The following FAM114A2 variants were observed in gnomAD, a reference collection of about 807,000 sequenced individuals.
The protein encoded by FAM114A2 is protein FAM114A2.
Under a neutral mutation model 58.4 loss-of-function variants are expected in FAM114A2, and 53 were observed. The ratio of observed to expected loss-of-function variants is 0.91; its 90% CI spans 0.73 to 1.14. The LOEUF (loss-of-function observed/expected upper bound fraction) is 1.14. Ranked by LOEUF, FAM114A2 falls within the 50% of genes most tolerant of loss-of-function variation. FAM114A2 has a pLI of 0.00. For synonymous variants in FAM114A2, 228 were observed against 211.4 expected (o/e 1.08, Z -0.68); for missense variants, 601 against 581.1 (o/e 1.03, Z -0.35).
intron 12 of FAM114A2, 173 bp from the exon 13 acceptor site, chr5:153,995,145 A>C (rs1241301502): frequency 1.2e-5 from 7 of 564,484 alleles, no homozygotes; most frequent in Non-Finnish European, 2.2e-5. Flanking sequence ...TAAGTGTTTT[A>C]AACTTCTTTC....
chr5:153,995,722 A>C (rs1301342265), intron 12 of FAM114A2, among the ~76,000 whole-genome samples: 1 of 152,148 alleles, frequency 6.6e-6, no homozygotes, highest in African/African-American at 2.4e-5. Context: ...AATGCTCTTG[A>C]TTTTATCCCA....
intron 11 of FAM114A2, among the ~76,000 whole-genome samples, chr5:153,998,814 T>TA (rs1408889840): frequency 6.6e-6 from 1 of 152,174 alleles, no homozygotes; most frequent in Non-Finnish European, 1.5e-5. Context: ...ACAGTAACAT[T>TA]AAATGGGCTA....
chr5:154,006,326 T>A, intron 9 of FAM114A2, among the ~76,000 whole-genome samples: 1 of 152,244 alleles, frequency 6.6e-6, no homozygotes, highest in East Asian at 1.9e-4. Context: ...AACAAAAACA[T>A]ACATAAAGAA....
At position 154,034,295 on chromosome 5, in the gene FAM114A2, GCCGA is replaced by G; in HGVS notation, c.289_292del (p.Ser97LeufsTer3). On this transcript the variant is annotated frameshift_variant, in exon 3 of 14. Transcript: ENST00000351797. LOFTEE classifies it high-confidence loss of function. ...GATCTTACCTACTGTAGCTACTGTA[GCCGA>G]GGCTGAGGAGAGTATGGACTTGCCC... is the stretch of plus-strand genomic sequence containing the variant. The G allele has an allele frequency of 1.3e-6, 2 of 1,587,242 alleles. No individual in the cohort carries two copies. The highest frequency in any genetic ancestry group is 1.7e-6 in the Non-Finnish European group (2 of 1,166,380).
At position 154,034,811 on chromosome 5, in the gene FAM114A2, G is replaced by A; in HGVS notation, c.143C>T (p.Ser48Phe). 2 of 1,613,950 alleles carry A rather than the reference G, an allele frequency of 1.2e-6. No homozygotes were observed. Among genetic ancestry groups the A allele is most frequent in the African/African-American group, 2.7e-5 (2 of 74,990 alleles). The change falls in exon 2 of 14, where the codon TCC (serine) becomes TTC (phenylalanine). Residue 48 changes from serine to phenylalanine, a missense_variant. Ser to Phe is a radical substitution (Grantham distance 155, BLOSUM62 -2). Coordinates refer to ENST00000351797, the MANE Select transcript of FAM114A2 (RefSeq NM_018691.4). ...KPESKSEPVV[S>F]TRKRPETKPS... ...TTTGGTCTCTGGTCTTTTCCGAGTGGAAACTACAGGTTCTGATTTACTCTC... is the reference window on the plus strand; with the variant it reads ...TTTGGTCTCTGGTCTTTTCCGAGTGAAAACTACAGGTTCTGATTTACTCTC...
chr5:154,000,039 T>C (rs1769871586), intron 11 of FAM114A2, among the ~76,000 whole-genome samples: 1 of 152,224 alleles, frequency 6.6e-6, no homozygotes, highest in Non-Finnish European at 1.5e-5. Context: ...AAATGTCATT[T>C]GCAGCAACAT....
chr5:154,007,406 C>T (rs1044808610), intron 9 of FAM114A2, among the ~76,000 whole-genome samples: 6 of 152,094 alleles, frequency 3.9e-5, no homozygotes, highest in Non-Finnish European at 8.8e-5. Context: ...GAACAAGAAT[C>T]AGAATCACAG....
In FAM114A2 at chr5:154,028,854, G is replaced by C. The variant is rs371587830; in HGVS notation, c.496-571C>G. 4.6e-5 allele frequency among the ~76,000 whole-genome samples: 7 copies of C among 152,240 alleles called. No individual in the cohort carries two copies. The East Asian group carries it at 7.7e-4, about 17-fold the overall frequency. ...TTATGGTTATCTTGGTGCAGGAGAG[G>C]GGGAGAGCAGAAGACACAGAAAACT... On this transcript the variant is annotated intron_variant, in intron 5 of 13. Transcript: ENST00000351797.
At chr5:154,027,434 G>A (rs1183008525) in intron 6 of FAM114A2, 100 bp from the exon 7 acceptor site, 6 of 919,472 alleles carry the variant, frequency 6.5e-6, no homozygotes, top group African/African-American at 1.7e-5. Context: ...TTAGAGTACA[G>A]AGGATTGCCC....
chr5:154,004,972 T>C lies in FAM114A2; in HGVS notation c.994-2003A>G, dbSNP rs971740140. On this transcript the variant is annotated intron_variant, in intron 9 of 13. Coordinates refer to ENST00000351797, the MANE Select transcript of FAM114A2 (RefSeq NM_018691.4). ...CTTTTCCAGCCTCATCTCTTATCAT[T>C]TTCCACTTTATCTTCTGGTAAGAAT... Among the ~76,000 whole-genome samples, 22 of 152,322 alleles carry C rather than the reference T, an allele frequency of 1.4e-4. 1 individual carries two copies. The highest frequency in any genetic ancestry group is 5.3e-4 in the African/African-American group (22 of 41,568).
At chr5:154,003,382 T>C (rs1770137830) in intron 9 of FAM114A2, among the ~76,000 whole-genome samples, 1 of 152,078 alleles carries the variant, frequency 6.6e-6, no homozygotes, top group South Asian at 2.1e-4. Flanking sequence ...TTTCGCCAGG[T>C]TGACCAAGCT....
rs1769993605 is a variant in FAM114A2 at position 154,001,763 on chromosome 5, GGGGCTAAATCCCAGGCCAT to G, written c.1256+469_1256+487del. Among the ~76,000 whole-genome samples the G allele has an allele frequency of 2.0e-5, 3 of 152,238 alleles. No individual in the cohort carries two copies. In the South Asian group the frequency reaches 6.2e-4, roughly 32 times the overall value. ...GGGTTCAGGACACTCAGTCAGACCTGGGGCTAAATCCCAGGCCATACAGCACAGACAGATTACTTAACTC... is the reference window on the plus strand; with the variant it reads ...GGGTTCAGGACACTCAGTCAGACCTGACAGCACAGACAGATTACTTAACTC... On this transcript the variant is annotated intron_variant, in intron 11 of 13. Transcript: ENST00000351797.
chr5:154,026,759 G>T (rs1381966435), intron 7 of FAM114A2, among the ~76,000 whole-genome samples: 1 of 151,560 alleles, frequency 6.6e-6, no homozygotes, highest in Non-Finnish European at 1.5e-5. Flanking sequence ...TCAGTGTTTA[G>T]CAACAGCTTA....
At chr5:153,994,789 T>G in intron 13 of FAM114A2, 130 bp downstream of exon 13, 1 of 631,730 alleles carries the variant, frequency 1.6e-6, no homozygotes, top group South Asian at 1.9e-5. Context: ...ACTATTTCTG[T>G]CATATCTACA....
At chr5:154,011,896 G>C (rs548487612) in intron 8 of FAM114A2, among the ~76,000 whole-genome samples, 1 of 152,290 alleles carries the variant, frequency 6.6e-6, no homozygotes, top group South Asian at 2.1e-4. Context: ...ACGTAAGGGG[G>C]AGAAGTGGTA....
In FAM114A2 at chr5:154,002,355, T is replaced by C. The variant is rs746035433; in HGVS notation, c.1152A>G (p.Glu384=). Residue 384 remains glutamate, a synonymous_variant, in exon 11 of 14, where the codon GAA becomes GAG. Coordinates refer to ENST00000351797, the MANE Select transcript of FAM114A2 (RefSeq NM_018691.4). ...IHAFAIRSLA[E]LTACSIELFH... is the part of the protein sequence containing the mutation. Reference sequence around the variant, plus strand: ...ATAGTTCAATTGAGCAGGCAGTCAGTTCAGCCAGGCTCCGGATTGCAAACG... The same window carrying C: ...ATAGTTCAATTGAGCAGGCAGTCAGCTCAGCCAGGCTCCGGATTGCAAACG... 2 of 1,614,072 alleles carry C rather than the reference T, an allele frequency of 1.2e-6. No individual in the cohort carries two copies. The highest frequency in any genetic ancestry group is 1.7e-5 in the Admixed American group (1 of 60,020).
chr5:153,997,310 T>C (rs184458141), intron 12 of FAM114A2, among the ~76,000 whole-genome samples: 233 of 152,314 alleles, frequency 1.5e-3, no homozygotes, highest in Non-Finnish European at 2.1e-3. Flanking sequence ...TGCATGTTCA[T>C]AGCAACATTA....
intron 6 of FAM114A2, chr5:154,027,606 T>A (rs1263155539): frequency 4.0e-6 from 1 of 252,374 alleles, no homozygotes; most frequent in Non-Finnish European, 7.5e-6. Context: ...GTTTAAGCTA[T>A]TCTCGTGTTT....
intron 8 of FAM114A2, 103 bp from the exon 9 acceptor site, chr5:154,011,423 T>C (rs1451456374): frequency 1.6e-5 from 11 of 704,508 alleles, no homozygotes; most frequent in Middle Eastern, 2.5e-4. Flanking sequence ...GCAGTGACAG[T>C]AGTAGTAATA....
Sources: allele counts gnomAD v4.1 joint callset (sites outside exome capture counted in the v4.1 genomes callset), GRCh38; gene constraint gnomAD v4.1.1; transcripts MANE v1.5; gene names NCBI Gene and HGNC (gene_info 2026-07-23, HGNC 2026-07-21).